DUSP22: variants seen among roughly 807,000 people sequenced by gnomAD.
DUSP22 encodes dual specificity phosphatase 22.
Under a neutral mutation model 24.5 loss-of-function variants are expected in DUSP22, and 24 were observed. That is an observed-to-expected ratio of 0.98 (90% CI 0.71 to 1.38). The LOEUF is 1.38. Among genes scored for constraint, DUSP22 ranks in the 40% most tolerant of loss-of-function variants. The pLI is 0.00. For missense variants in DUSP22, 330 were observed against 269.2 expected, an observed-to-expected ratio of 1.23 and a Z score of -1.58; for synonymous variants, 160 against 106.4, an observed-to-expected ratio of 1.50 and a Z score of -3.10.
chr6:329,324 A>G (rs373769102), intron 3 of DUSP22, among the ~76,000 whole-genome samples: 47 of 152,410 alleles, frequency 3.1e-4, no homozygotes, highest in African/African-American at 1.0e-3. Context: ...ATGAGGAGTT[A>G]TTACTTAATA....
intron 2 of DUSP22, among the ~76,000 whole-genome samples, chr6:307,649 C>A (rs1365089885): frequency 6.6e-6 from 1 of 152,304 alleles, no homozygotes; most frequent in East Asian, 1.9e-4. Context: ...GGGTCCGTGG[C>A]TTCCTTACAA....
chr6:347,180 T>A (rs1037362093), intron 5 of DUSP22, among the ~76,000 whole-genome samples: 4 of 152,302 alleles, frequency 2.6e-5, no homozygotes, highest in Non-Finnish European at 4.4e-5. Context: ...ATCTCCAGGG[T>A]TGCAGCCCCA....
At position 350,581 on chromosome 6, in the gene DUSP22, C is replaced by T. The variant is rs56252885; in HGVS notation, c.*1630C>T. ...TGATTCCGCGCAGGTGCACAGGCCC[C>T]GGATGTACACCCGGAAAGGGGAGTG... On this transcript the variant is annotated 3_prime_UTR_variant, in exon 7 of 7. Transcript: ENST00000419235. The T allele has an allele frequency of 9.1e-5, 129 of 1,413,976 alleles. No homozygotes were observed. The highest frequency in any genetic ancestry group is 1.3e-4 in the East Asian group (5 of 37,118). 87.6% of individuals were successfully genotyped at this position (1,413,976 alleles called of 1,614,324 possible).
chr6:313,677 T>G (rs1395295722), intron 3 of DUSP22, among the ~76,000 whole-genome samples: 2 of 152,310 alleles, frequency 1.3e-5, no homozygotes, highest in Non-Finnish European at 2.9e-5. Flanking sequence ...TATCTTAGCT[T>G]CATAATAAGT....
intron 3 of DUSP22, among the ~76,000 whole-genome samples, chr6:320,943 A>G (rs1232580766): frequency 1.3e-5 from 2 of 152,306 alleles, no homozygotes; most frequent in Non-Finnish European, 2.9e-5. Context: ...TACAAAGAGA[A>G]GTGAGATGTG....
intron 3 of DUSP22, among the ~76,000 whole-genome samples, chr6:328,496 A>T (rs975923265): frequency 6.6e-6 from 1 of 152,310 alleles, no homozygotes; most frequent in Non-Finnish European, 1.5e-5. Flanking sequence ...GAAAGAAGTC[A>T]CAGGTGTTGG....
chr6:344,158 G>A (rs920686828), intron 4 of DUSP22, among the ~76,000 whole-genome samples: 4 of 151,420 alleles, frequency 2.6e-5, no homozygotes, highest in Non-Finnish European at 2.9e-5. Context: ...GCACAAGGCC[G>A]TGCAACCAGG....
At chr6:295,724 C>T (rs893954459) in intron 1 of DUSP22, among the ~76,000 whole-genome samples, 9 of 151,450 alleles carry the variant, frequency 5.9e-5, no homozygotes, top group East Asian at 2.0e-4. Flanking sequence ...CACCTCAGCC[C>T]GGGAAGTCTA....
intron 4 of DUSP22, among the ~76,000 whole-genome samples, chr6:337,453 A>C (rs1759407608): frequency 6.6e-6 from 1 of 152,302 alleles, no homozygotes; most frequent in Non-Finnish European, 1.5e-5. Context: ...TTTGGTGCCC[A>C]GGAAGCCTGC....
intron 3 of DUSP22, chr6:325,712 G>A (rs545244985): frequency 4.6e-4 from 105 of 227,602 alleles, no homozygotes; most frequent in African/African-American, 2.0e-3. Context: ...CTGGGCTTCC[G>A]CATCCTCGTG....
chr6:324,763 A>G (rs1236159407), intron 3 of DUSP22, among the ~76,000 whole-genome samples: 10 of 152,306 alleles, frequency 6.6e-5, no homozygotes, highest in Non-Finnish European at 1.5e-4. Flanking sequence ...CTGTTTAGAA[A>G]GGGCTTCCTA....
At chr6:316,936 A>G (rs1758363171) in intron 3 of DUSP22, among the ~76,000 whole-genome samples, 1 of 152,306 alleles carries the variant, frequency 6.6e-6, no homozygotes, top group South Asian at 2.1e-4. Flanking sequence ...TTTATGAGCT[A>G]GAGTTCAGCT....
At chr6:343,755 A>T (rs1004682648) in intron 4 of DUSP22, among the ~76,000 whole-genome samples, 2 of 67,722 alleles carry the variant, frequency 3.0e-5, no homozygotes, top group African/African-American at 1.3e-4. Flanking sequence ...TCCTCATCTC[A>T]CTGAGCACCT....
chr6:345,755 CAATT>C lies in DUSP22; in HGVS notation c.189-96_189-93del, dbSNP rs200337243. On this transcript the variant is annotated intron_variant, in intron 4 of 6. Transcript: ENST00000419235. ...TTATGTGTCAATTATACAAAAAAAT[CAATT>C]AACATTTTAAGAAAGAAGCCTCAGG... is the stretch of plus-strand genomic sequence containing the variant. The C allele has an allele frequency of 7.6e-4, 1,087 of 1,436,598 alleles. 2 individuals carry two copies. The East Asian group carries it at 0.021, about 28-fold the overall frequency. 89.0% of individuals were successfully genotyped at this position (1,436,598 alleles called of 1,614,324 possible).
At chr6:315,221 T>C (rs1174232566) in intron 3 of DUSP22, among the ~76,000 whole-genome samples, 2 of 152,304 alleles carry the variant, frequency 1.3e-5, no homozygotes, top group Non-Finnish European at 2.9e-5. Context: ...CTGGGGACCT[T>C]CAAGCTCTCT....
rs1760033480 is a variant in DUSP22 at position 349,013 on chromosome 6, G to T, written c.*62G>T. 1 of 1,542,850 alleles carries T rather than the reference G, an allele frequency of 6.5e-7. No homozygotes were observed. Among genetic ancestry groups the T allele is most frequent in the South Asian group, 1.2e-5 (1 of 83,174 alleles). The stretch of plus-strand genomic sequence containing the variant: ...CTTCAGTGTGCCCGGCTGGGCAGGG[G>T]TGCGGTGGTGGTGGCCGATGAGGAC... On this transcript the variant is annotated 3_prime_UTR_variant, in exon 7 of 7. Transcript: ENST00000419235.
chr6:323,904 G>A (rs1350295614), intron 3 of DUSP22, among the ~76,000 whole-genome samples: 4 of 152,308 alleles, frequency 2.6e-5, no homozygotes, highest in Middle Eastern at 3.2e-3. Context: ...GAAGCAGTTC[G>A]AAGTCTCCTT....
rs1759848907 is a variant in DUSP22, at chr6:345,934, T to A, written c.263+6T>A. On this transcript the variant is annotated splice_donor_region_variant and intron_variant, in intron 5 of 6. Coordinates refer to ENST00000419235, the MANE Select transcript of DUSP22 (RefSeq NM_001286555.3). ...GAGAGCTGCCTTGTACACTGGTACGTGTGTCTCTTGCTTAATAGCGCCTTA... is the reference window on the plus strand; with the variant it reads ...GAGAGCTGCCTTGTACACTGGTACGAGTGTCTCTTGCTTAATAGCGCCTTA... 6.2e-7 allele frequency: 1 copy of A among 1,614,036 alleles called. No individual in the cohort carries two copies. The highest frequency in any genetic ancestry group is 8.5e-7 in the Non-Finnish European group (1 of 1,179,976).
Position 310,747 on chromosome 6 carries a change from A to G in DUSP22, c.56-1133A>G, listed in dbSNP as rs1425795339. Among the ~76,000 whole-genome samples the G allele has an allele frequency of 2.0e-5, 3 of 152,426 alleles. No homozygotes were observed. In the East Asian group the frequency reaches 5.8e-4, roughly 29 times the overall value. ...CCATTGAATTAAAAAAATATTTTAA[A>G]TATCCCTAATATTATGTGTCTCATG... On this transcript the variant is annotated intron_variant, in intron 2 of 6. Transcript: ENST00000419235.
Sources: allele counts gnomAD v4.1 joint callset (sites outside exome capture counted in the v4.1 genomes callset), GRCh38; gene constraint gnomAD v4.1.1; transcripts MANE v1.5; gene names NCBI Gene and HGNC (gene_info 2026-07-23, HGNC 2026-07-21).